The following PIBF1 variants were observed in gnomAD, a reference collection of about 807,000 sequenced individuals.
PIBF1 encodes the protein progesterone immunomodulatory binding factor 1, also known as progesterone-induced-blocking factor 1.
A neutral mutation model predicts 112.5 loss-of-function variants in PIBF1; 90 were observed. The ratio of observed to expected loss-of-function variants is 0.80; its 90% CI spans 0.67 to 0.95. The LOEUF is 0.95. Among genes scored for constraint, PIBF1 ranks in the 40% least tolerant of loss-of-function variants. PIBF1 has a pLI of 0.00. For synonymous variants in PIBF1, 301 were observed against 288.6 expected (o/e 1.04, Z -0.44); for missense variants, 915 against 852.3 (o/e 1.07, Z -0.92).
intron 10 of PIBF1, among the ~76,000 whole-genome samples, chr13:72,869,639 TAAA>T (rs1223503919): frequency 6.6e-6 from 1 of 151,352 alleles, no homozygotes; most frequent in African/African-American, 2.4e-5. Context: ...AAATAAATAA[TAAA>T]AAAATAAAAA....
At chr13:73,008,119 A>G (rs1211267242) in intron 17 of PIBF1, among the ~76,000 whole-genome samples, 2 of 152,262 alleles carry the variant, frequency 1.3e-5, no homozygotes, top group African/African-American at 2.4e-5. Context: ...TCACTCTGAC[A>G]TACTCTATGC....
chr13:72,911,478 C>T (rs1021955826), intron 12 of PIBF1, among the ~76,000 whole-genome samples: 26 of 152,090 alleles, frequency 1.7e-4, no homozygotes, highest in African/African-American at 4.1e-4. Context: ...TAATCTGAGA[C>T]GATACCTAAA....
intron 13 of PIBF1, among the ~76,000 whole-genome samples, chr13:72,921,739 A>T (rs2138716620): frequency 6.6e-6 from 1 of 152,316 alleles, no homozygotes; most frequent in East Asian, 1.9e-4. Flanking sequence ...CCACAAAATT[A>T]AAATGAGAAA....
At position 73,015,902 on chromosome 13, in the gene PIBF1, CA is replaced by C; in HGVS notation, c.2261del (p.Lys754ArgfsTer2). On this transcript the variant is annotated frameshift_variant, in exon 18 of 18. Coordinates refer to ENST00000326291, the MANE Select transcript of PIBF1 (RefSeq NM_006346.4). LOFTEE classifies it high-confidence loss of function. ...KKEAPEWSKKQKMKT is the reference protein window; with the variant it reads ...KKEAPEWSKKXKMKT Reference sequence around the variant, plus strand: ...AGAAGCACCTGAGTGGTCTAAGAAACAAAAGATGAAGACCTAGTGTTTTGGA... The same window carrying C: ...AGAAGCACCTGAGTGGTCTAAGAAACAAAGATGAAGACCTAGTGTTTTGGA... 6.3e-7 allele frequency: 1 copy of C among 1,589,142 alleles called. No homozygotes were observed. The highest frequency in any genetic ancestry group is 8.6e-7 in the Non-Finnish European group (1 of 1,166,116).
intron 8 of PIBF1, among the ~76,000 whole-genome samples, chr13:72,834,563 G>A (rs1360366800): frequency 6.6e-6 from 1 of 152,096 alleles, no homozygotes; most frequent in African/African-American, 2.4e-5. Context: ...GGAGTTCGGG[G>A]TTACATGATT....
chr13:72,975,429 G>A lies in PIBF1; in HGVS notation c.2049+1754G>A, dbSNP rs573871434. On this transcript the variant is annotated intron_variant, in intron 16 of 17. Transcript: ENST00000326291. ...CTAGTCTGGGAGAGGTATACCAGAT[G>A]TTGGGAAGAAATTATTGGGAGAATA... 2.1e-4 allele frequency among the ~76,000 whole-genome samples: 32 copies of A among 152,292 alleles called. No individual in the cohort carries two copies. In the Middle Eastern group the frequency reaches 0.017, roughly 81 times the overall value.
intron 5 of PIBF1, among the ~76,000 whole-genome samples, chr13:72,820,873 G>C (rs2036527520): frequency 6.6e-6 from 1 of 152,122 alleles, no homozygotes; most frequent in South Asian, 2.1e-4. Flanking sequence ...TCCCCTCCCA[G>C]CTTCCCATAT....
chr13:72,818,678 C>CTTTTTTTTTTTTT (rs3077726), intron 5 of PIBF1, among the ~76,000 whole-genome samples: 2 of 80,372 alleles, frequency 2.5e-5, no homozygotes, highest in African/African-American at 5.1e-5. Flanking sequence ...CAGTCTTAAA[C>CTTTTTTTTTTTTT]TTTTTTTTTT....
intron 6 of PIBF1, among the ~76,000 whole-genome samples, chr13:72,825,797 G>T (rs532111559): frequency 2.0e-5 from 3 of 151,860 alleles, no homozygotes; most frequent in Admixed American, 1.3e-4. Flanking sequence ...TGGTTACAGC[G>T]TGTCATGTCT....
intron 14 of PIBF1, among the ~76,000 whole-genome samples, chr13:72,935,690 TCCTTG>T (rs1276820655): frequency 6.6e-6 from 1 of 152,230 alleles, no homozygotes; most frequent in Non-Finnish European, 1.5e-5. Flanking sequence ...TTTTTCTACA[TCCTTG>T]CCTTGATATG....
chr13:72,969,529 C>G (rs2042835823), intron 15 of PIBF1: 1 of 152,142 alleles, frequency 6.6e-6, no homozygotes, highest in African/African-American at 2.4e-5. Flanking sequence ...AATTACAACA[C>G]TTGAGATGTT....
chr13:72,979,646 G>A (rs118122443), intron 16 of PIBF1, among the ~76,000 whole-genome samples: 1,865 of 152,248 alleles, frequency 0.012, 35 homozygotes, highest in Admixed American at 0.061. Flanking sequence ...ATAATTGGCC[G>A]GGCGTGGTGG....
At chr13:72,823,256 C>T (rs1238424201) in intron 6 of PIBF1, among the ~76,000 whole-genome samples, 2 of 152,100 alleles carry the variant, frequency 1.3e-5, no homozygotes, top group East Asian at 1.9e-4. Context: ...AATAATCCAT[C>T]GGGGCCACGG....
intron 10 of PIBF1, among the ~76,000 whole-genome samples, chr13:72,855,566 T>G (rs1161911894): frequency 6.6e-6 from 1 of 152,018 alleles, no homozygotes; most frequent in African/African-American, 2.4e-5. Flanking sequence ...CGAGAGTCAC[T>G]TGAACCCAGG....
intron 16 of PIBF1, among the ~76,000 whole-genome samples, chr13:72,976,086 C>T (rs763807041): frequency 1.3e-5 from 2 of 152,166 alleles, no homozygotes; most frequent in African/African-American, 4.8e-5. Flanking sequence ...GAAGAAAATA[C>T]GTTTAAGCAT....
At chr13:72,889,365 G>C (rs2039973800) in intron 10 of PIBF1, among the ~76,000 whole-genome samples, 1 of 152,010 alleles carries the variant, frequency 6.6e-6, no homozygotes, top group South Asian at 2.1e-4. Context: ...GTCAACCTCT[G>C]CCCCACTTGC....
At chr13:72,869,120 A>G (rs536227822) in intron 10 of PIBF1, among the ~76,000 whole-genome samples, 133 of 152,308 alleles carry the variant, frequency 8.7e-4, no homozygotes, top group African/African-American at 3.0e-3. Context: ...TACTGGGTAT[A>G]TACCCAAAGG....
chr13:72,925,899 G>A (rs973485037), intron 13 of PIBF1, among the ~76,000 whole-genome samples: 4 of 151,918 alleles, frequency 2.6e-5, no homozygotes, highest in African/African-American at 9.7e-5. Flanking sequence ...CTTTCTTAAT[G>A]GTGCATTTTG....
rs186505854 is a variant in PIBF1, at chr13:72,966,016, G to A, written c.1964+612G>A. Among the ~76,000 whole-genome samples the A allele has an allele frequency of 8.9e-4, 136 of 152,222 alleles. 1 individual carries two copies. The highest frequency in any genetic ancestry group is 2.9e-3 in the African/African-American group (119 of 41,564). On this transcript the variant is annotated intron_variant, in intron 15 of 17. Transcript: ENST00000326291. ...AATGAAGATATGTGTAAATGAAACA[G>A]TTTTACTTGTGGATAGATGGTTAGT...
Sources: gnomAD v4.1 joint callset for allele counts (sites outside exome capture counted in the v4.1 genomes callset) on GRCh38, gnomAD v4.1.1 for gene constraint, MANE v1.5 for transcripts, NCBI Gene and HGNC (gene_info 2026-07-23, HGNC 2026-07-21) for gene names.